LPL: variants seen among roughly 807,000 people sequenced by gnomAD.
LPL encodes the protein phospholipase A1.
In LPL, 43 loss-of-function variants were observed where a neutral mutation model predicts 52.2. The observed-to-expected ratio is 0.82, with a 90% CI of 0.64 to 1.06. The LOEUF (loss-of-function observed/expected upper bound fraction) is 1.06. LPL is among the 50% of genes least tolerant of loss of function. LPL has a pLI of 0.00. For missense variants in LPL, 639 were observed against 585.3 expected (o/e 1.09, Z -0.95); for synonymous variants, 244 against 215.6 (o/e 1.13, Z -1.15).
chr8:19,940,758 T>C (rs1382173828), intron 1 of LPL, among the ~76,000 whole-genome samples: 1 of 152,236 alleles, frequency 6.6e-6, no homozygotes, highest in African/African-American at 2.4e-5. Flanking sequence ...GTTTGTTTTA[T>C]TTTGGCATTA....
Position 19,967,179 on chromosome 8 carries a change from C to T in LPL, c.*1869C>T, listed in dbSNP as rs1023902067. On this transcript the variant is annotated 3_prime_UTR_variant, in exon 10 of 10. Coordinates refer to ENST00000650287, the MANE Select transcript of LPL (RefSeq NM_000237.3). Reference sequence around the variant, plus strand: ...CTCACTCTTATGAAATGGGCTTTAACAAAACAAGAAAGAAACGTACTTAAC... The same window carrying T: ...CTCACTCTTATGAAATGGGCTTTAATAAAACAAGAAAGAAACGTACTTAAC... 2.6e-4 allele frequency: 40 copies of T among 152,492 alleles called. No individual in the cohort carries two copies. Among genetic ancestry groups the T allele is most frequent in the African/African-American group, 9.7e-4 (40 of 41,382 alleles). The allele number at this position is 152,492 out of a possible 1,614,324, so 9.4% of individuals were successfully genotyped here.
chr8:19,943,122 T>C (rs2069854217), intron 1 of LPL, among the ~76,000 whole-genome samples: 1 of 152,218 alleles, frequency 6.6e-6, no homozygotes, highest in Admixed American at 6.5e-5. Context: ...CAACCCACTT[T>C]GGTGTGTGCG....
chr8:19,939,434 C>T lies in LPL; in HGVS notation c.-7C>T, dbSNP rs774996291. The T allele has an allele frequency of 1.9e-6, 3 of 1,605,600 alleles. No individual in the cohort carries two copies. The highest frequency in any genetic ancestry group is 4.5e-5 in the East Asian group (2 of 44,536). Reference sequence around the variant, plus strand: ...CTTGCAGCTCCTCCAGAGGGACGCGCCCCGAGATGGAGAGCAAAGCCCTGC... The same window carrying T: ...CTTGCAGCTCCTCCAGAGGGACGCGTCCCGAGATGGAGAGCAAAGCCCTGC... On this transcript the variant is annotated 5_prime_UTR_variant, in exon 1 of 10. Coordinates refer to ENST00000650287, the MANE Select transcript of LPL (RefSeq NM_000237.3). The surrounding 1 kb of genome is among the most constrained non-coding windows in gnomAD (Gnocchi z 4.0).
In LPL at chr8:19,939,415, G is replaced by C. The variant is rs747061015; in HGVS notation, c.-26G>C. 3 of 1,590,994 alleles carry C rather than the reference G, an allele frequency of 1.9e-6. No individual in the cohort carries two copies. The highest frequency in any genetic ancestry group is 2.6e-6 in the Non-Finnish European group (3 of 1,169,378). On this transcript the variant is annotated 5_prime_UTR_variant, in exon 1 of 10. Transcript: ENST00000650287. The surrounding 1 kb of genome is among the most constrained non-coding windows in gnomAD (Gnocchi z 4.0). ...CTCATCAGTCGGTCCGCGCCTTGCA[G>C]CTCCTCCAGAGGGACGCGCCCCGAG... is the stretch of plus-strand genomic sequence containing the variant.
chr8:19,949,331 G>C (rs1481885522), intron 2 of LPL, among the ~76,000 whole-genome samples: 1 of 152,070 alleles, frequency 6.6e-6, no homozygotes, highest in Non-Finnish European at 1.5e-5. Context: ...AATTTTTATA[G>C]AGATGAGACT....
In LPL at chr8:19,957,906, C is replaced by T. The variant is rs1485070382; in HGVS notation, c.1019-1354C>T. On this transcript the variant is annotated intron_variant, in intron 6 of 9. Coordinates refer to ENST00000650287, the MANE Select transcript of LPL (RefSeq NM_000237.3). ...CTGTGTCTCAGCTTAAGAGAAAATA[C>T]ATTTAATAGACAGTAACACAAATAA... Among the ~76,000 whole-genome samples the T allele has an allele frequency of 2.6e-5, 4 of 151,898 alleles. No individual in the cohort carries two copies. The South Asian group carries it at 8.3e-4, about 32-fold the overall frequency.
Position 19,939,808 on chromosome 8 carries a change from G to A in LPL, c.88+280G>A, listed in dbSNP as rs937752500. On this transcript the variant is annotated intron_variant, in intron 1 of 9. Coordinates refer to ENST00000650287, the MANE Select transcript of LPL (RefSeq NM_000237.3). The surrounding 1 kb of genome is among the most constrained non-coding windows in gnomAD (Gnocchi z 4.0). ...CCACTCTGGCTGGGACCGCGTTCCCGGGCTCGCAGGCTCCGCCGGGGAGGT... is the reference window on the plus strand; with the variant it reads ...CCACTCTGGCTGGGACCGCGTTCCCAGGCTCGCAGGCTCCGCCGGGGAGGT... Among the ~76,000 whole-genome samples the A allele has an allele frequency of 6.6e-6, 1 of 152,210 alleles. No homozygotes were observed. The highest frequency in any genetic ancestry group is 2.1e-4 in the South Asian group (1 of 4,834).
chr8:19,946,180 A>G (rs556065238), intron 1 of LPL, among the ~76,000 whole-genome samples: 1 of 152,208 alleles, frequency 6.6e-6, no homozygotes, highest in South Asian at 2.1e-4. Context: ...TACTTTTACT[A>G]TATGCAAATG....
intron 3 of LPL, among the ~76,000 whole-genome samples, chr8:19,952,855 G>A (rs907210016): frequency 6.6e-6 from 1 of 152,000 alleles, no homozygotes; most frequent in Admixed American, 6.6e-5. Context: ...GGAATAATGG[G>A]AAAATATATA....
At chr8:19,956,209 C>T (rs561860600) in intron 6 of LPL, 126 bp downstream of exon 6, 20 of 1,354,180 alleles carry the variant, frequency 1.5e-5, no homozygotes, top group African/African-American at 1.4e-4. Flanking sequence ...ACCCTGAGCC[C>T]TGGTGTTTCT....
chr8:19,955,599 T>C (rs2069977056), intron 5 of LPL, among the ~76,000 whole-genome samples: 1 of 152,134 alleles, frequency 6.6e-6, no homozygotes, highest in African/African-American at 2.4e-5. Context: ...TACTCATAAA[T>C]ATAAGAAGCA....
chr8:19,939,390 C>T lies in LPL; in HGVS notation c.-51C>T, dbSNP rs775041849. 6.5e-7 allele frequency: 1 copy of T among 1,546,112 alleles called. No individual in the cohort carries two copies. Among genetic ancestry groups the T allele is most frequent in the African/African-American group, 1.4e-5 (1 of 73,592 alleles). ...CCTCTCCAGCCTCCGGCTCAGCCGG[C>T]TCATCAGTCGGTCCGCGCCTTGCAG... On this transcript the variant is annotated 5_prime_UTR_variant, in exon 1 of 10. Transcript: ENST00000650287. The surrounding 1 kb of genome is among the most constrained non-coding windows in gnomAD (Gnocchi z 4.0).
chr8:19,940,403 A>C (rs1213765014), intron 1 of LPL, among the ~76,000 whole-genome samples: 2 of 152,164 alleles, frequency 1.3e-5, no homozygotes, highest in East Asian at 3.9e-4. Flanking sequence ...GGCTGCGAGC[A>C]CGTGGGGTTG....
chr8:19,963,342 G>A (rs150647190), intron 9 of LPL, among the ~76,000 whole-genome samples: 2,707 of 151,828 alleles, frequency 0.018, 72 homozygotes, highest in African/African-American at 0.062. Context: ...AGGCTGAGGC[G>A]GGAGAATTGC....
At chr8:19,946,080 C>T (rs2069879634) in intron 1 of LPL, among the ~76,000 whole-genome samples, 1 of 151,956 alleles carries the variant, frequency 6.6e-6, no homozygotes, top group Admixed American at 6.6e-5. Flanking sequence ...TACTAGAGTG[C>T]TTTCTGGTTG....
chr8:19,942,244 G>C (rs987223968), intron 1 of LPL, among the ~76,000 whole-genome samples: 1 of 152,174 alleles, frequency 6.6e-6, no homozygotes, highest in South Asian at 2.1e-4. Context: ...ATGCCAGATT[G>C]TTCAAGAAAA....
intron 2 of LPL, among the ~76,000 whole-genome samples, chr8:19,951,401 GC>G (rs1463174423): frequency 3.3e-5 from 5 of 152,346 alleles, no homozygotes; most frequent in Admixed American, 6.5e-5. Flanking sequence ...ACAGGGTTCT[GC>G]TCCTAGCCAG....
intron 6 of LPL, among the ~76,000 whole-genome samples, chr8:19,958,707 A>G (rs910411725): frequency 5.9e-5 from 9 of 152,154 alleles, no homozygotes; most frequent in African/African-American, 1.9e-4. Flanking sequence ...AAGTTCTATG[A>G]TGCACCTACT....
intron 9 of LPL, among the ~76,000 whole-genome samples, chr8:19,962,801 A>G (rs779718426): frequency 2.6e-5 from 4 of 152,228 alleles, no homozygotes; most frequent in Non-Finnish European, 4.4e-5. Context: ...TCTCTCTTCT[A>G]TCTCCAAACA....
Sources: allele counts gnomAD v4.1 joint callset (sites outside exome capture counted in the v4.1 genomes callset), GRCh38; gene constraint gnomAD v4.1.1; non-coding constraint Gnocchi (gnomAD v3.1); transcripts MANE v1.5; gene names NCBI Gene and HGNC (gene_info 2026-07-23, HGNC 2026-07-21).